The following UBAP2 variants were observed in gnomAD, a reference collection of about 807,000 sequenced individuals.
The protein encoded by UBAP2 is ubiquitin-associated protein 2.
A neutral mutation model predicts 139.6 loss-of-function variants in UBAP2; 75 were observed. The ratio of observed to expected loss-of-function variants is 0.54; its 90% CI spans 0.45 to 0.65. The LOEUF (loss-of-function observed/expected upper bound fraction) is 0.65. UBAP2 is among the 30% of genes least tolerant of loss of function. The pLI is 0.00. For missense variants in UBAP2, 1,368 were observed against 1,369.6 expected, an observed-to-expected ratio of 1.00 and a Z score of 0.02; for synonymous variants, 526 against 526.2, an observed-to-expected ratio of 1.00 and a Z score of 0.01.
chr9:33,965,866 G>A (rs947054873), intron 8 of UBAP2, among the ~76,000 whole-genome samples: 2 of 151,850 alleles, frequency 1.3e-5, no homozygotes, highest in African/African-American at 4.8e-5. Context: ...GGCTAACACA[G>A]TGAAGCCCCG....
intron 22 of UBAP2, among the ~76,000 whole-genome samples, chr9:33,925,133 C>T (rs770299427): frequency 1.3e-5 from 2 of 152,102 alleles, no homozygotes; most frequent in Non-Finnish European, 2.9e-5. Context: ...TCCAGGGCCT[C>T]GCACTCCTGG....
In UBAP2 at chr9:33,921,846, T is replaced by C. The variant is rs1822906597; in HGVS notation, c.*658A>G. Reference sequence around the variant, plus strand: ...CTGACTGGCTGAATAACTCAGATTATTTTTTTTTTTTTCATGGTCAGCCAG... The same window carrying C: ...CTGACTGGCTGAATAACTCAGATTACTTTTTTTTTTTTCATGGTCAGCCAG... On this transcript the variant is annotated 3_prime_UTR_variant, in exon 29 of 29. Transcript: ENST00000379238. 1 of 105,824 alleles carries C rather than the reference T, an allele frequency of 9.4e-6. No homozygotes were observed. The highest frequency in any genetic ancestry group is 3.7e-3 in the Middle Eastern group (1 of 270). 6.6% of individuals were successfully genotyped at this position (105,824 alleles called of 1,614,324 possible). A position where few individuals can be genotyped will look rare whatever the true frequency, so the allele number is the denominator to read the frequency against.
chr9:34,047,221 T>A (rs1231912779), intron 1 of UBAP2, among the ~76,000 whole-genome samples: 1 of 152,126 alleles, frequency 6.6e-6, no homozygotes, highest in Non-Finnish European at 1.5e-5. Context: ...AAATCTCTCG[T>A]CACACGTATC....
At chr9:33,971,359 C>T (rs887501502) in intron 8 of UBAP2, among the ~76,000 whole-genome samples, 1 of 152,182 alleles carries the variant, frequency 6.6e-6, no homozygotes, top group Non-Finnish European at 1.5e-5. Flanking sequence ...TTCTATATAT[C>T]TGTGACATAC....
intron 5 of UBAP2, 81 bp downstream of exon 5, chr9:33,988,892 C>A (rs1422749623): frequency 4.7e-6 from 7 of 1,501,224 alleles, no homozygotes; most frequent in Non-Finnish European, 6.3e-6. Flanking sequence ...TGCCTGTAAT[C>A]CCAAAACTTT....
In UBAP2 at chr9:33,971,632, G is replaced by A. The variant is rs1472728367; in HGVS notation, c.679+19C>T. On this transcript the variant is annotated intron_variant, in intron 8 of 28. Transcript: ENST00000379238. ...CTCAAACATTTAAAACTCATCTCTG[G>A]CAAAAACAGAACACTTACCAGTTCC... is the stretch of plus-strand genomic sequence containing the variant. 2.8e-6 allele frequency: 4 copies of A among 1,442,124 alleles called. No homozygotes were observed. Among genetic ancestry groups the A allele is most frequent in the Non-Finnish European group, 3.9e-6 (4 of 1,023,530 alleles). The allele number at this position is 1,442,124 out of a possible 1,614,324, so 89.3% of individuals were successfully genotyped here.
intron 16 of UBAP2, chr9:33,938,923 T>A: frequency 2.2e-6 from 1 of 455,604 alleles, no homozygotes; most frequent in South Asian, 1.6e-5. Context: ...AGAAGGTAAT[T>A]TTAATCTGTG....
rs1251371545 is a variant in UBAP2 at position 33,923,397 on chromosome 9, G to A, written c.2878C>T (p.Gln960Ter). The A allele has an allele frequency of 6.2e-7, 1 of 1,614,168 alleles. No homozygotes were observed. The highest frequency in any genetic ancestry group is 1.7e-5 in the Admixed American group (1 of 60,026). ...CCCTCACCTGTACTGTAGCCGTGCT[G>A]GCCATAACCACTGGCCTGCTGGAAG... Reference protein sequence around the residue: ...PPFQQASGYGQHGYSTGYDDL... With the variant: ...PPFQQASGYG Residue 960 changes from glutamine (Q) to a stop codon, truncating the protein, a stop_gained, in exon 25 of 29, where the codon CAG becomes TAG. Transcript: ENST00000379238. LOFTEE classifies it high-confidence loss of function.
At chr9:33,963,314 A>G (rs1398425143) in intron 9 of UBAP2, among the ~76,000 whole-genome samples, 3 of 152,240 alleles carry the variant, frequency 2.0e-5, no homozygotes, top group Non-Finnish European at 4.4e-5. Flanking sequence ...CAGAAGGCAA[A>G]GGCTCAGGTC....
At chr9:34,028,284 G>A (rs1358774793) in intron 1 of UBAP2, among the ~76,000 whole-genome samples, 3 of 152,004 alleles carry the variant, frequency 2.0e-5, no homozygotes, top group Non-Finnish European at 4.4e-5. Context: ...CTAAGGCCAC[G>A]AAGGGAATTA....
chr9:34,004,694 C>T (rs1053172159), intron 2 of UBAP2, among the ~76,000 whole-genome samples: 1 of 149,738 alleles, frequency 6.7e-6, no homozygotes, highest in African/African-American at 2.5e-5. Context: ...TGAGGCAGGA[C>T]AATGGCGTGA....
intron 13 of UBAP2, among the ~76,000 whole-genome samples, chr9:33,945,281 G>A (rs1386226875): frequency 1.3e-5 from 2 of 152,076 alleles, no homozygotes; most frequent in Non-Finnish European, 1.5e-5. Flanking sequence ...GGCAGATCAC[G>A]AAGTCAGGAG....
rs545315415 is a variant in UBAP2, at chr9:34,012,328, C to T, written c.99+4722G>A. ...GGCGGATCACCTAAGGTCAGGAGTT[C>T]GAGAGCAGCCTGGCCAACATGGCGA... On this transcript the variant is annotated intron_variant, in intron 2 of 28. Transcript: ENST00000379238. 3.9e-5 allele frequency among the ~76,000 whole-genome samples: 6 copies of T among 152,158 alleles called. No homozygotes were observed. In the East Asian group the frequency reaches 7.7e-4, roughly 20 times the overall value.
At chr9:34,026,116 C>T (rs1825379691) in intron 1 of UBAP2, among the ~76,000 whole-genome samples, 1 of 152,200 alleles carries the variant, frequency 6.6e-6, no homozygotes, top group Non-Finnish European at 1.5e-5. Context: ...AGCAAGGACA[C>T]ATTTTATCAT....
rs1170220167 is a variant in UBAP2 at position 33,941,651 on chromosome 9, T to C, written c.1927A>G (p.Met643Val). 2 of 1,613,866 alleles carry C rather than the reference T, an allele frequency of 1.2e-6. No individual in the cohort carries two copies. Among genetic ancestry groups the C allele is most frequent in the African/African-American group, 1.3e-5 (1 of 75,054 alleles). ...AAAAAAACTAAAATACCACTTACCATGATGGTTCCTGGAGCTGACTCTGAT... is the reference window on the plus strand; with the variant it reads ...AAAAAAACTAAAATACCACTTACCACGATGGTTCCTGGAGCTGACTCTGAT... ...SSSESAPGTIMNGHGGGRSQQ... is the reference protein window; with the variant it reads ...SSSESAPGTIVNGHGGGRSQQ... Residue 643 changes from methionine to valine, a missense_variant and splice_region_variant, in exon 16 of 29, where the codon ATG (methionine) becomes GTG (valine). Physicochemically the swap from Met to Val is conservative, Grantham distance 21. Transcript: ENST00000379238.
intron 10 of UBAP2, 39 bp from the exon 11 acceptor site, chr9:33,956,185 A>G (rs1340395205): frequency 6.7e-7 from 1 of 1,500,010 alleles, no homozygotes. Flanking sequence ...TATTCTACAT[A>G]CTACTAAACC....
At chr9:34,011,738 G>T in intron 2 of UBAP2, 1 of 757,650 alleles carries the variant, frequency 1.3e-6, no homozygotes. Flanking sequence ...ACCCTCCCCT[G>T]CAATAAACAT....
intron 9 of UBAP2, among the ~76,000 whole-genome samples, chr9:33,962,581 G>A (rs1404084183): frequency 6.6e-6 from 1 of 151,882 alleles, no homozygotes; most frequent in Admixed American, 6.6e-5. Flanking sequence ...AGGAGGCGGA[G>A]GTTGCAGTGA....
At chr9:34,007,213 G>T (rs916745719) in intron 2 of UBAP2, among the ~76,000 whole-genome samples, 7 of 152,030 alleles carry the variant, frequency 4.6e-5, no homozygotes, top group African/African-American at 1.7e-4. Flanking sequence ...CTCAAGTGAG[G>T]CCAGGTGCAG....
Sources: gnomAD v4.1 joint callset for allele counts (sites outside exome capture counted in the v4.1 genomes callset) on GRCh38, gnomAD v4.1.1 for gene constraint, MANE v1.5 for transcripts, NCBI Gene and HGNC (gene_info 2026-07-23, HGNC 2026-07-21) for gene names.